The following GLYATL1 variants were observed in gnomAD, a reference collection of about 807,000 sequenced individuals.
GLYATL1 encodes the protein glycine-N-acyltransferase like 1.
GLYATL1 carries 15 observed loss-of-function variants against 20.0 expected under a neutral mutation model. That is an observed-to-expected ratio of 0.75 (90% CI 0.50 to 1.15). GLYATL1 has a LOEUF of 1.15. Among genes scored for constraint, GLYATL1 ranks in the 50% most tolerant of loss-of-function variants. GLYATL1 has a pLI of 0.00. For synonymous variants in GLYATL1, 151 were observed against 131.5 expected (o/e 1.15, Z -1.01); for missense variants, 380 against 368.5 (o/e 1.03, Z -0.26).
chr11:58,947,311 C>T, intron 3 of GLYATL1, 146 bp downstream of exon 3: 1 of 1,125,560 alleles, frequency 8.9e-7, no homozygotes. Context: ...GGCTGCATAT[C>T]AAGAGCTGCT....
chr11:58,936,631 A>G (rs978161970), upstream of GLYATL1, among the ~76,000 whole-genome samples: 2 of 152,208 alleles, frequency 1.3e-5, no homozygotes, highest in Non-Finnish European at 2.9e-5. Context: ...AAAATGGGGA[A>G]CAGGAGACGA....
At chr11:58,945,542 G>A (rs1345886680) in intron 2 of GLYATL1, among the ~76,000 whole-genome samples, 1 of 152,068 alleles carries the variant, frequency 6.6e-6, no homozygotes, top group East Asian at 1.9e-4. Context: ...ATGTTCCCAG[G>A]GCAAATGGAA....
rs187159416 is a variant in GLYATL1, at chr11:58,933,078, G to A, written c.-212+5249G>A. Among the ~76,000 whole-genome samples, 5 of 152,328 alleles carry A rather than the reference G, an allele frequency of 3.3e-5. No individual in the cohort carries two copies. The East Asian group carries it at 9.6e-4, about 29-fold the overall frequency. ...TATTCACAGGATACTAGCTTGGGTA[G>A]TCAAATGGATAATGACACCATTGTC... On this transcript the variant is annotated intron_variant, in intron 1 of 7. Transcript: ENST00000317391.
chr11:58,921,382 C>T (rs555725375), intron 1 of GLYATL1, among the ~76,000 whole-genome samples: 19 of 152,226 alleles, frequency 1.2e-4, no homozygotes, highest in African/African-American at 3.9e-4. Context: ...TATGACCATA[C>T]GTTCCTAGGG....
intron 1 of GLYATL1, among the ~76,000 whole-genome samples, chr11:58,941,362 A>T (rs1565127432): frequency 6.6e-6 from 1 of 151,998 alleles, no homozygotes; most frequent in Non-Finnish European, 1.5e-5. Context: ...CCTACAAAGG[A>T]CATGAACTCG....
At chr11:58,946,859 C>G (rs754849331) in intron 2 of GLYATL1, 187 bp from the exon 3 acceptor site, 2 of 625,778 alleles carry the variant, frequency 3.2e-6, no homozygotes, top group Non-Finnish European at 5.7e-6. Context: ...GTTTCAAAAT[C>G]TGACTCTGGC....
At chr11:58,944,433 AG>A (rs1217480940) in intron 2 of GLYATL1, among the ~76,000 whole-genome samples, 1 of 152,182 alleles carries the variant, frequency 6.6e-6, no homozygotes, top group African/African-American at 2.4e-5. Flanking sequence ...TGGGGAAAAA[AG>A]AAAAAAATAT....
downstream of GLYATL1, among the ~76,000 whole-genome samples, chr11:58,911,338 C>A (rs984955997): frequency 6.6e-6 from 1 of 152,130 alleles, no homozygotes; most frequent in Admixed American, 6.5e-5. Flanking sequence ...CTTGAGTTCA[C>A]CTAGCAGTGG....
chr11:58,954,541 T>G (rs943899856), intron 4 of GLYATL1, among the ~76,000 whole-genome samples: 2 of 152,118 alleles, frequency 1.3e-5, no homozygotes, highest in African/African-American at 4.8e-5. Context: ...ATAAGGAGGT[T>G]TATAACCAAT....
chr11:58,922,963 CAG>C (rs1855343593), upstream of GLYATL1, among the ~76,000 whole-genome samples: 1 of 152,234 alleles, frequency 6.6e-6, no homozygotes. Flanking sequence ...TACTATTTCA[CAG>C]AGAGTTCTTA....
At chr11:58,905,698 G>T (rs1055582562) in intron 1 of GLYATL1, 1 of 448,502 alleles carries the variant, frequency 2.2e-6, no homozygotes, top group African/African-American at 2.0e-5. Context: ...GTGGTTCGGG[G>T]GAGGGGATCG....
At chr11:58,954,736 A>G in intron 4 of GLYATL1, 34 bp from the exon 5 acceptor site, 1 of 1,536,380 alleles carries the variant, frequency 6.5e-7, no homozygotes, top group Non-Finnish European at 8.8e-7. Flanking sequence ...AAAAAGTTCA[A>G]GGGAATGACC....
At chr11:58,948,237 G>A (rs570721796) in intron 4 of GLYATL1, among the ~76,000 whole-genome samples, 4 of 152,276 alleles carry the variant, frequency 2.6e-5, no homozygotes, top group Non-Finnish European at 4.4e-5. Flanking sequence ...GGTGGCAGGG[G>A]TCACCTGCAG....
downstream of GLYATL1, among the ~76,000 whole-genome samples, chr11:58,913,391 A>G (rs1211382549): frequency 6.6e-6 from 1 of 151,938 alleles, no homozygotes; most frequent in African/African-American, 2.4e-5. Context: ...AGGGAGGAGA[A>G]ATGACAAGTG....
chr11:58,939,804 T>C (rs1210028041), intron 1 of GLYATL1, among the ~76,000 whole-genome samples, 154 bp downstream of exon 1: 3 of 152,154 alleles, frequency 2.0e-5, no homozygotes, highest in Non-Finnish European at 4.4e-5. Context: ...GGGGGCTTGT[T>C]TGTCATTGTG....
At chr11:58,948,279 T>A (rs1310104073) in intron 4 of GLYATL1, among the ~76,000 whole-genome samples, 1 of 151,982 alleles carries the variant, frequency 6.6e-6, no homozygotes, top group Non-Finnish European at 1.5e-5. Flanking sequence ...ACAGGGAAAG[T>A]TGGGTGTCTG....
At chr11:58,929,471 ATTTATC>A (rs2135129984) in intron 1 of GLYATL1, among the ~76,000 whole-genome samples, 1 of 152,250 alleles carries the variant, frequency 6.6e-6, no homozygotes, top group African/African-American at 2.4e-5. Context: ...TAGTTCTTGC[ATTTATC>A]TTTATATTGG....
Position 58,956,177 on chromosome 11 carries a change from C to G in GLYATL1, c.*150C>G, listed in dbSNP as rs1857408220. 6 of 704,692 alleles carry G rather than the reference C, an allele frequency of 8.5e-6. No homozygotes were observed. The highest frequency in any genetic ancestry group is 1.4e-5 in the Non-Finnish European group (6 of 428,484). 43.7% of individuals were successfully genotyped at this position (704,692 alleles called of 1,614,324 possible). A position where few individuals can be genotyped will look rare whatever the true frequency, so the allele number is the denominator to read the frequency against. On this transcript the variant is annotated 3_prime_UTR_variant, in exon 7 of 7. Transcript: ENST00000532726. ...CCTGGAGCCTTGATGTTAAAAGACA[C>G]AGCCATGCTCTTGAGGAGCTTACAA... is the stretch of plus-strand genomic sequence containing the variant.
At chr11:58,949,952 C>T (rs1856847934) in intron 4 of GLYATL1, among the ~76,000 whole-genome samples, 1 of 150,720 alleles carries the variant, frequency 6.6e-6, no homozygotes, top group African/African-American at 2.4e-5. Context: ...CCTCTTACCT[C>T]CCCTCCCCTC....
Sources: allele counts gnomAD v4.1 joint callset (sites outside exome capture counted in the v4.1 genomes callset), GRCh38; gene constraint gnomAD v4.1.1; transcripts MANE v1.5; gene names NCBI Gene and HGNC (gene_info 2026-07-23, HGNC 2026-07-21).